The following FMN1 variants were observed in gnomAD, a reference collection of about 807,000 sequenced individuals.
FMN1 encodes the protein formin-1.
FMN1 carries 110 observed loss-of-function variants against 132.4 expected under a neutral mutation model. That is an observed-to-expected ratio of 0.83 (90% CI 0.71 to 0.97). The LOEUF (loss-of-function observed/expected upper bound fraction) is 0.97, where lower values mean the gene tolerates loss of function less well. Among genes scored for constraint, FMN1 ranks in the 50% least tolerant of loss-of-function variants. The pLI is 0.00. For missense variants in FMN1, 1,792 were observed against 1,705.3 expected, an observed-to-expected ratio of 1.05 and a Z score of -0.90; for synonymous variants, 722 against 651.7, an observed-to-expected ratio of 1.11 and a Z score of -1.64.
At chr15:33,118,266 C>T (rs28420167) in intron 4 of FMN1, among the ~76,000 whole-genome samples, 51,743 of 151,998 alleles carry the variant, frequency 0.34, 9,874 homozygotes, top group South Asian at 0.42. Context: ...GAGATTTTCT[C>T]ATTTGTTATA....
chr15:33,011,732 T>A (rs2034737498), intron 6 of FMN1, among the ~76,000 whole-genome samples: 1 of 152,046 alleles, frequency 6.6e-6, no homozygotes, highest in South Asian at 2.1e-4. Context: ...TGTAAATATA[T>A]AAATGCATCC....
Position 33,008,092 on chromosome 15 carries a change from G to C in FMN1, c.2162-17C>G, listed in dbSNP as rs898936994. ...CTTGGTATTCTGTAAAATCAAAAAA[G>C]AGGCCAATTATAAAGAAGTACAAAA... is the stretch of plus-strand genomic sequence containing the variant. On this transcript the variant is annotated splice_polypyrimidine_tract_variant and intron_variant, in intron 6 of 20. Transcript: ENST00000616417. The C allele has an allele frequency of 1.3e-6, 2 of 1,575,138 alleles. No individual in the cohort carries two copies. The highest frequency in any genetic ancestry group is 2.3e-5 in the East Asian group (1 of 43,956).
intron 7 of FMN1, among the ~76,000 whole-genome samples, chr15:33,001,311 T>A (rs1245535623): frequency 1.3e-5 from 2 of 152,122 alleles, no homozygotes; most frequent in African/African-American, 2.4e-5. Flanking sequence ...TGTAGCAATT[T>A]ACATTTACCT....
intron 7 of FMN1, chr15:32,970,697 A>AGCTC (rs1364778610): frequency 6.6e-6 from 1 of 152,174 alleles, no homozygotes; most frequent in African/African-American, 2.4e-5. Context: ...ACACACAGGA[A>AGCTC]GCTCATCTAC....
intron 4 of FMN1, among the ~76,000 whole-genome samples, chr15:33,140,501 A>G (rs973964835): frequency 1.3e-5 from 2 of 152,246 alleles, no homozygotes; most frequent in African/African-American, 4.8e-5. Context: ...TTCACGACTC[A>G]GGTATCAGAC....
intron 4 of FMN1, among the ~76,000 whole-genome samples, chr15:33,118,575 GT>G (rs1233352422): frequency 3.9e-5 from 6 of 152,242 alleles, no homozygotes; most frequent in Non-Finnish European, 8.8e-5. Flanking sequence ...AGTGAAACTT[GT>G]TTGACAGGAA....
chr15:32,879,112 A>G (rs1039147131), intron 16 of FMN1, among the ~76,000 whole-genome samples: 7 of 152,222 alleles, frequency 4.6e-5, no homozygotes, highest in Admixed American at 4.6e-4. Context: ...AATTAATTGA[A>G]TGCTTTGCAT....
chr15:32,910,117 T>C (rs114709209), intron 11 of FMN1, among the ~76,000 whole-genome samples: 82 of 152,352 alleles, frequency 5.4e-4, no homozygotes, highest in African/African-American at 1.9e-3. Context: ...AAGCTGGTAT[T>C]AGCAGTCCCA....
chr15:33,120,708 T>C (rs940121724), intron 4 of FMN1, among the ~76,000 whole-genome samples: 1 of 152,192 alleles, frequency 6.6e-6, no homozygotes, highest in East Asian at 1.9e-4. Context: ...AGTGACTACA[T>C]ACCCATTTTA....
rs1566899146 is a variant in FMN1, at chr15:33,082,023, GT to G, written c.2043+6775del. Among the ~76,000 whole-genome samples, 103 of 71,926 alleles carry G rather than the reference GT, an allele frequency of 1.4e-3. No homozygotes were observed. In the East Asian group the frequency reaches 0.035, roughly 25 times the overall value. 47.2% of individuals were successfully genotyped at this position (71,926 alleles called of 152,430 possible). On this transcript the variant is annotated intron_variant, in intron 5 of 20. Transcript: ENST00000616417. ...GAATCAACAAGAAGAGTTCAGGGGT[GT>G]GTGTGTGTGTGTGTGTGTGTGTGTG...
chr15:32,773,902 T>G lies in FMN1; in HGVS notation c.*408A>C, dbSNP rs914867208. On this transcript the variant is annotated 3_prime_UTR_variant, in exon 21 of 21. Transcript: ENST00000616417. ...AACAGCAGTGTGTAACGACAAAGACTTGAACTCTCCCAAGGCAACTGTCCT... is the reference window on the plus strand; with the variant it reads ...AACAGCAGTGTGTAACGACAAAGACGTGAACTCTCCCAAGGCAACTGTCCT... 1.9e-5 allele frequency: 4 copies of G among 208,988 alleles called. No homozygotes were observed. Among genetic ancestry groups the G allele is most frequent in the African/African-American group, 9.5e-5 (4 of 42,028 alleles). 12.9% of individuals were successfully genotyped at this position (208,988 alleles called of 1,614,324 possible).
At chr15:32,923,351 T>G (rs549797262) in intron 10 of FMN1, among the ~76,000 whole-genome samples, 1 of 152,324 alleles carries the variant, frequency 6.6e-6, no homozygotes, top group Non-Finnish European at 1.5e-5. Context: ...GAAATATAAC[T>G]GATACAGCCT....
chr15:32,950,040 T>TACAC (rs1325651433), intron 9 of FMN1, among the ~76,000 whole-genome samples: 4 of 4,578 alleles, frequency 8.7e-4, no homozygotes, highest in African/African-American at 1.5e-3. Flanking sequence ...TATACACATA[T>TACAC]ATATATATAT....
At chr15:33,103,488 C>A (rs995173908) in intron 4 of FMN1, among the ~76,000 whole-genome samples, 6 of 152,076 alleles carry the variant, frequency 3.9e-5, no homozygotes, top group Non-Finnish European at 8.8e-5. Context: ...CTGAATTAGA[C>A]CCTGTAGAGG....
intron 5 of FMN1, among the ~76,000 whole-genome samples, chr15:33,071,044 C>A (rs1196647643): frequency 6.6e-6 from 1 of 152,166 alleles, no homozygotes; most frequent in African/African-American, 2.4e-5. Flanking sequence ...GAATAGAAGA[C>A]CACACACAGC....
intron 4 of FMN1, among the ~76,000 whole-genome samples, chr15:33,125,224 C>A (rs1289872487): frequency 6.6e-6 from 1 of 152,126 alleles, no homozygotes; most frequent in Non-Finnish European, 1.5e-5. Context: ...TAATTTTTGT[C>A]TTCCATAAAA....
At chr15:33,009,334 G>A (rs1313128537) in intron 6 of FMN1, among the ~76,000 whole-genome samples, 1 of 152,154 alleles carries the variant, frequency 6.6e-6, no homozygotes, top group Non-Finnish European at 1.5e-5. Context: ...AAAGCAGACT[G>A]AGTGATCTAC....
chr15:33,099,667 G>A (rs1012609569), intron 4 of FMN1, among the ~76,000 whole-genome samples: 1 of 152,144 alleles, frequency 6.6e-6, no homozygotes, highest in African/African-American at 2.4e-5. Context: ...TTAGATTTAA[G>A]GAGCTGTGTT....
rs139132557 is a variant in FMN1 at position 33,085,605 on chromosome 15, T to C, written c.2043+3194A>G. Among the ~76,000 whole-genome samples the C allele has an allele frequency of 2.8e-3, 425 of 149,886 alleles. 2 individuals carry two copies. The highest frequency in any genetic ancestry group is 0.01 in the African/African-American group (412 of 41,152). On this transcript the variant is annotated intron_variant, in intron 5 of 20. Coordinates refer to ENST00000616417, the MANE Select transcript of FMN1 (RefSeq NM_001277313.2). ...ATATCATATATGTAATATATAAATA[T>C]ATAAAGCCCATAAAAGGCTAGTTCA...
Sources: gnomAD v4.1 joint callset for allele counts (sites outside exome capture counted in the v4.1 genomes callset) on GRCh38, gnomAD v4.1.1 for gene constraint, MANE v1.5 for transcripts, NCBI Gene and HGNC (gene_info 2026-07-23, HGNC 2026-07-21) for gene names.